The following CRYBG1 variants were observed in gnomAD, a reference collection of about 807,000 sequenced individuals.
The protein encoded by CRYBG1 is beta/gamma crystallin domain-containing protein 1.
In CRYBG1, 139 loss-of-function variants were observed where a neutral mutation model predicts 189.2. The observed-to-expected ratio is 0.73, with a 90% CI of 0.64 to 0.85. The LOEUF (loss-of-function observed/expected upper bound fraction) is 0.85. CRYBG1 is among the 40% of genes least tolerant of loss of function. CRYBG1 has a pLI of 0.00. For synonymous variants in CRYBG1, 1,023 were observed against 1,017.1 expected, an observed-to-expected ratio of 1.01 and a Z score of -0.11; for missense variants, 2,611 against 2,675.8, an observed-to-expected ratio of 0.98 and a Z score of 0.53.
rs1774610963 is a variant in CRYBG1, at chr6:106,558,396, G to A, written c.5716-90G>A. 5.2e-6 allele frequency: 6 copies of A among 1,151,054 alleles called. No individual in the cohort carries two copies. In the East Asian group the frequency reaches 1.3e-4, roughly 25 times the overall value. The allele number at this position is 1,151,054 out of a possible 1,614,324, so 71.3% of individuals were successfully genotyped here. Reference sequence around the variant, plus strand: ...AAAGGCCAAATCTAGCAGATTTTTTGTGCTTTGTCCTTGTAACAAGATGAT... The same window carrying A: ...AAAGGCCAAATCTAGCAGATTTTTTATGCTTTGTCCTTGTAACAAGATGAT... On this transcript the variant is annotated intron_variant, in intron 17 of 21. Coordinates refer to ENST00000633556, the MANE Select transcript of CRYBG1 (RefSeq NM_001371242.2).
In CRYBG1 at chr6:106,512,875, C is replaced by T. The variant is rs1773326466; in HGVS notation, c.1758C>T (p.His586=). 6.3e-7 allele frequency: 1 copy of T among 1,594,850 alleles called. No individual in the cohort carries two copies. The highest frequency in any genetic ancestry group is 8.5e-7 in the Non-Finnish European group (1 of 1,171,106). ...TGCTGCCGGAGATCAAGCCCGAGCA[C>T]AAGAGGGGCCCGCTCCCCAACCACT... ...SSLLPEIKPE[H]KRGPLPNHFN... Residue 586 remains histidine (H), a synonymous_variant, in exon 3 of 22, where the codon CAC becomes CAT. Transcript: ENST00000633556.
intron 8 of CRYBG1, 137 bp from the exon 9 acceptor site, chr6:106,539,266 C>T: frequency 1.0e-6 from 1 of 959,860 alleles, no homozygotes; most frequent in Non-Finnish European, 1.5e-6. Context: ...GATTCTAACA[C>T]CTGAGTCCAA....
At chr6:106,392,585 T>G (rs1026809397) in intron 1 of CRYBG1, among the ~76,000 whole-genome samples, 1 of 152,202 alleles carries the variant, frequency 6.6e-6, no homozygotes, top group Non-Finnish European at 1.5e-5. Context: ...TGATACCATC[T>G]TGAAATTTTG....
chr6:106,440,095 G>A (rs1771539005), intron 1 of CRYBG1, among the ~76,000 whole-genome samples: 1 of 152,158 alleles, frequency 6.6e-6, no homozygotes, highest in Non-Finnish European at 1.5e-5. Flanking sequence ...ACGTGGGGCT[G>A]GTGGCTTTCC....
Position 106,509,259 on chromosome 6 carries a change from G to A in CRYBG1, c.313-2171G>A, listed in dbSNP as rs115630442. Among the ~76,000 whole-genome samples the A allele has an allele frequency of 3.7e-3, 566 of 152,286 alleles. 4 individuals are homozygous for A. The highest frequency in any genetic ancestry group is 0.013 in the African/African-American group (549 of 41,546). On this transcript the variant is annotated intron_variant, in intron 2 of 21. Transcript: ENST00000633556. The stretch of plus-strand genomic sequence containing the variant: ...GCTGTTGGGAAGATAAAATGAAAGT[G>A]TGTGAATCACAAGGGCCTGACCCAT...
At chr6:106,498,763 A>C (rs527620860) in intron 2 of CRYBG1, among the ~76,000 whole-genome samples, 6 of 152,060 alleles carry the variant, frequency 3.9e-5, no homozygotes, top group Middle Eastern at 3.2e-3. Flanking sequence ...AATCCCAGCT[A>C]CTCAGAAGGC....
intron 1 of CRYBG1, among the ~76,000 whole-genome samples, chr6:106,428,459 C>T (rs1771267350): frequency 6.6e-6 from 1 of 151,904 alleles, no homozygotes; most frequent in Admixed American, 6.6e-5. Flanking sequence ...AGGCAGTATA[C>T]TCATGTGATA....
intron 1 of CRYBG1, among the ~76,000 whole-genome samples, chr6:106,361,950 T>C (rs1007825442): frequency 5.3e-5 from 7 of 131,528 alleles, no homozygotes; most frequent in African/African-American, 2.2e-4. Flanking sequence ...GACATGGTTT[T>C]CCTTTTATTT....
At chr6:106,481,343 C>G (rs1772450176) in intron 2 of CRYBG1, among the ~76,000 whole-genome samples, 1 of 152,054 alleles carries the variant, frequency 6.6e-6, no homozygotes, top group African/African-American at 2.4e-5. Context: ...TACTGTCATT[C>G]TGACAAACTA....
At chr6:106,546,502 G>A (rs1774268196) in intron 13 of CRYBG1, among the ~76,000 whole-genome samples, 1 of 152,170 alleles carries the variant, frequency 6.6e-6, no homozygotes, top group Non-Finnish European at 1.5e-5. Flanking sequence ...TGTACTAAAA[G>A]TTGATGAACA....
chr6:106,544,580 A>T lies in CRYBG1; in HGVS notation c.5049A>T (p.Ala1683=). The change falls in exon 12 of 22, where the codon GCA becomes GCT. Residue 1683 remains alanine, a synonymous_variant. Transcript: ENST00000633556. ...GTTCTTTATGTTGCAGTTGGGTTGC[A>T]TATGAGAAACCTGGATTTACCGGTC... The part of the protein sequence containing the change: ...SMKVLRGIWV[A]YEKPGFTGHQ... 1 of 1,613,790 alleles carries T rather than the reference A, an allele frequency of 6.2e-7. No homozygotes were observed. The highest frequency in any genetic ancestry group is 8.5e-7 in the Non-Finnish European group (1 of 1,179,820).
rs188720514 is a variant in CRYBG1, at chr6:106,429,769, C to T, written c.174-21925C>T. ...CTGCATAAAATGCAAGTAATAACAC[C>T]TATCTCACAGGTTTGTTGTGAGTAT... On this transcript the variant is annotated intron_variant, in intron 1 of 21. Transcript: ENST00000633556. 1.0e-3 allele frequency among the ~76,000 whole-genome samples: 156 copies of T among 152,260 alleles called. 1 individual carries two copies. The highest frequency in any genetic ancestry group is 3.6e-3 in the African/African-American group (150 of 41,548).
At chr6:106,567,227 G>A (rs759275671) in intron 21 of CRYBG1, among the ~76,000 whole-genome samples, 1 of 147,488 alleles carries the variant, frequency 6.8e-6, no homozygotes. Flanking sequence ...AAATTTCAGT[G>A]GAGTATGCTG....
intron 2 of CRYBG1, among the ~76,000 whole-genome samples, chr6:106,456,977 C>T (rs879914033): frequency 2.0e-5 from 3 of 152,158 alleles, no homozygotes; most frequent in Non-Finnish European, 4.4e-5. Context: ...GGCTGCTAAT[C>T]TCACCAAGCA....
intron 1 of CRYBG1, among the ~76,000 whole-genome samples, chr6:106,438,331 T>A (rs1771504378): frequency 6.6e-6 from 1 of 152,216 alleles, no homozygotes; most frequent in African/African-American, 2.4e-5. Context: ...CGTGGTATAT[T>A]AGTTTCCTGG....
intron 1 of CRYBG1, among the ~76,000 whole-genome samples, chr6:106,418,839 C>G (rs1771074453): frequency 6.6e-6 from 1 of 152,218 alleles, no homozygotes; most frequent in African/African-American, 2.4e-5. Context: ...ATAGTTCTGT[C>G]TCCTGCAGAG....
chr6:106,462,837 C>A (rs920619466), intron 2 of CRYBG1, among the ~76,000 whole-genome samples: 17 of 152,314 alleles, frequency 1.1e-4, no homozygotes, highest in African/African-American at 3.9e-4. Flanking sequence ...AGACTTTACT[C>A]ATTATCCCCA....
intron 2 of CRYBG1, among the ~76,000 whole-genome samples, chr6:106,483,402 A>ATATATATATGTAT (rs1361096436): frequency 1.1e-5 from 1 of 88,426 alleles, no homozygotes; most frequent in Non-Finnish European, 2.9e-5. Context: ...ATATATATAT[A>ATATATATATGTAT]AAACATTTTC....
intron 7 of CRYBG1, among the ~76,000 whole-genome samples, chr6:106,527,869 T>A (rs1293965504): frequency 6.6e-6 from 1 of 152,204 alleles, no homozygotes; most frequent in Non-Finnish European, 1.5e-5. Flanking sequence ...AATCCAAAAA[T>A]AATTTGGTTG....
Sources: allele counts gnomAD v4.1 joint callset (sites outside exome capture counted in the v4.1 genomes callset), GRCh38; gene constraint gnomAD v4.1.1; transcripts MANE v1.5; gene names NCBI Gene and HGNC (gene_info 2026-07-23, HGNC 2026-07-21).